Variants in PCDH7 observed in about 807,000 individuals in gnomAD.
PCDH7 encodes protocadherin 7.
Under a neutral mutation model 58.9 loss-of-function variants are expected in PCDH7, and 17 were observed. The observed-to-expected ratio is 0.29, with a 90% CI of 0.20 to 0.43. The LOEUF (loss-of-function observed/expected upper bound fraction) is 0.43. PCDH7 is among the 20% of genes least tolerant of loss of function. The pLI is 1.00. For synonymous variants in PCDH7, 664 were observed against 616.4 expected (o/e 1.08, Z -1.14); for missense variants, 1,274 against 1,441.0 (o/e 0.88, Z 1.88).
chr4:30,797,729 T>C (rs1485147770), intron 1 of PCDH7, among the ~76,000 whole-genome samples: 2 of 152,204 alleles, frequency 1.3e-5, no homozygotes, highest in African/African-American at 2.4e-5. Flanking sequence ...GCCTTGCTTA[T>C]AGTAGATTAC....
chr4:31,094,228 A>G (rs1337850927), intron 3 of PCDH7, among the ~76,000 whole-genome samples: 1 of 152,154 alleles, frequency 6.6e-6, no homozygotes, highest in Non-Finnish European at 1.5e-5. Context: ...TGTGAAAACC[A>G]ATAGCATCTT....
intron 1 of PCDH7, among the ~76,000 whole-genome samples, chr4:30,768,720 CGGTTTTAAAATTTCAATTA>C (rs1208340648): frequency 2.6e-5 from 4 of 152,106 alleles, no homozygotes; most frequent in Admixed American, 2.6e-4. Flanking sequence ...ATCCATGACT[CGGTTTTAAAATTTCAATTA>C]TTATCTTGCT....
chr4:30,842,127 T>C (rs568868805), intron 1 of PCDH7, among the ~76,000 whole-genome samples: 11 of 152,288 alleles, frequency 7.2e-5, no homozygotes, highest in Admixed American at 3.3e-4. Context: ...GTCTTCCACC[T>C]CTGCTCTTAG....
In PCDH7 at chr4:30,723,130, A is replaced by G; in HGVS notation, c.1708A>G (p.Ile570Val). 6.2e-7 allele frequency: 1 copy of G among 1,614,036 alleles called. No homozygotes were observed. The highest frequency in any genetic ancestry group is 8.5e-7 in the Non-Finnish European group (1 of 1,180,034). Residue 570 changes from isoleucine (I) to valine (V), a missense_variant, in exon 1 of 2, where the codon ATC (isoleucine) becomes GTC (valine). Ile to Val is a conservative substitution (Grantham distance 29). Around this residue, in one of 3 missense-constraint regions of PCDH7, gnomAD observed 731 missense variants for 881.9 expected, o/e 0.83. Coordinates refer to ENST00000361762, the Ensembl canonical transcript of PCDH7. This position sits in a 1 kb window ranked among gnomAD's most constrained non-coding sequence, Gnocchi z 4.6. Reference sequence around the variant, plus strand: ...CGCAGACAGCGGTAAGAACGCCGAGATCGCCTACTCGCTGGACTCCTCTGT... The same window carrying G: ...CGCAGACAGCGGTAAGAACGCCGAGGTCGCCTACTCGCTGGACTCCTCTGT...
At chr4:30,935,374 C>T (rs545164400) in intron 2 of PCDH7, 14 of 965,934 alleles carry the variant, frequency 1.4e-5, no homozygotes, top group Admixed American at 6.2e-5. Context: ...CTTTTGAATT[C>T]GCTATTGGTT....
At chr4:30,796,343 T>C (rs1724768281) in intron 1 of PCDH7, among the ~76,000 whole-genome samples, 2 of 152,220 alleles carry the variant, frequency 1.3e-5, no homozygotes, top group African/African-American at 4.8e-5. Flanking sequence ...AATTTGAAAT[T>C]GATAAGCCCT....
intron 1 of PCDH7, among the ~76,000 whole-genome samples, chr4:30,785,754 A>G (rs572296908): frequency 1.9e-3 from 282 of 152,130 alleles, no homozygotes; most frequent in Non-Finnish European, 2.5e-3. Flanking sequence ...GTGCTGATGC[A>G]TTGTTACATT....
chr4:31,033,616 CA>C (rs1409293367), intron 3 of PCDH7, among the ~76,000 whole-genome samples: 1 of 152,132 alleles, frequency 6.6e-6, no homozygotes, highest in Non-Finnish European at 1.5e-5. Flanking sequence ...GCTTTTTATT[CA>C]ACATGGCCCC....
intron 1 of PCDH7, among the ~76,000 whole-genome samples, chr4:30,842,999 G>A (rs78206660): frequency 0.037 from 5,618 of 151,200 alleles, 185 homozygotes; most frequent in Admixed American, 0.1. Context: ...ATGCAATGCC[G>A]CAACCCTAGC....
intron 1 of PCDH7, among the ~76,000 whole-genome samples, chr4:30,764,179 A>G (rs577990277): frequency 1.7e-4 from 26 of 152,316 alleles, no homozygotes; most frequent in African/African-American, 5.8e-4. Flanking sequence ...TGTGTCCAGG[A>G]GAGAATCCTT....
intron 1 of PCDH7, among the ~76,000 whole-genome samples, chr4:30,813,404 T>G (rs1727254001): frequency 6.6e-6 from 1 of 152,166 alleles, no homozygotes; most frequent in Non-Finnish European, 1.5e-5. Flanking sequence ...TGTTATTTAT[T>G]CACTCAAGAA....
At chr4:31,021,822 A>G (rs140900223) in intron 3 of PCDH7, among the ~76,000 whole-genome samples, 21 of 152,296 alleles carry the variant, frequency 1.4e-4, no homozygotes, top group African/African-American at 5.1e-4. Flanking sequence ...ATATGGTTGG[A>G]TGAGCATCTA....
chr4:31,016,672 A>C (rs1016222351), intron 3 of PCDH7, among the ~76,000 whole-genome samples: 2 of 152,170 alleles, frequency 1.3e-5, no homozygotes, highest in African/African-American at 4.8e-5. Context: ...TATAAAATTA[A>C]ATGGACAAAA....
chr4:31,027,628 G>A (rs894770456), intron 3 of PCDH7, among the ~76,000 whole-genome samples: 2 of 151,894 alleles, frequency 1.3e-5, no homozygotes, highest in African/African-American at 2.4e-5. Context: ...TCACCATGTT[G>A]GCCAGGATAG....
intron 1 of PCDH7, among the ~76,000 whole-genome samples, chr4:30,789,072 A>G (rs960103900): frequency 1.3e-5 from 2 of 152,108 alleles, no homozygotes; most frequent in African/African-American, 4.8e-5. Flanking sequence ...CTACCTCACC[A>G]TTAGTTTAAC....
At chr4:30,929,897 C>A (rs13127450) in intron 2 of PCDH7, among the ~76,000 whole-genome samples, 105,612 of 151,998 alleles carry the variant, frequency 0.69, 36,724 homozygotes, top group East Asian at 0.78. Context: ...GCCAAAGGTC[C>A]TAGCAGCTAT....
chr4:30,739,478 T>G (rs1416545080), intron 1 of PCDH7, among the ~76,000 whole-genome samples: 4 of 148,460 alleles, frequency 2.7e-5, no homozygotes, highest in Non-Finnish European at 1.5e-5. Context: ...TTTTTCAGTG[T>G]ATTTAACTGT....
At chr4:31,127,349 C>G (rs917604190) in intron 3 of PCDH7, among the ~76,000 whole-genome samples, 1 of 152,108 alleles carries the variant, frequency 6.6e-6, no homozygotes, top group Non-Finnish European at 1.5e-5. Flanking sequence ...ACACGTTTAA[C>G]TAAAGAAGAA....
intron 3 of PCDH7, among the ~76,000 whole-genome samples, chr4:30,994,019 A>T (rs900846450): frequency 1.3e-5 from 2 of 152,222 alleles, no homozygotes; most frequent in African/African-American, 4.8e-5. Flanking sequence ...CTGTATTATC[A>T]GTAAACATTT....
Sources: gnomAD v4.1 joint callset for allele counts (sites outside exome capture counted in the v4.1 genomes callset) on GRCh38, gnomAD v4.1.1 for gene constraint, gnomAD v4.1.1 regional missense constraint, Gnocchi (gnomAD v3.1) non-coding constraint, MANE v1.5 for transcripts, NCBI Gene and HGNC (gene_info 2026-07-23, HGNC 2026-07-21) for gene names.